IQGAP3: variants seen among roughly 807,000 people sequenced by gnomAD.
The protein encoded by IQGAP3 is IQ motif containing GTPase activating protein 3, also known as ras GTPase-activating-like protein IQGAP3.
In IQGAP3, 165 loss-of-function variants were observed where a neutral mutation model predicts 208.2. The observed-to-expected ratio is 0.79, with a 90% CI of 0.70 to 0.90. The LOEUF (loss-of-function observed/expected upper bound fraction) is 0.90, where lower values mean the gene tolerates loss of function less well. Among genes scored for constraint, IQGAP3 ranks in the 40% least tolerant of loss-of-function variants. The pLI is 0.00. For synonymous variants in IQGAP3, 703 were observed against 803.6 expected (o/e 0.87, Z 2.12); for missense variants, 1,811 against 2,043.1 (o/e 0.89, Z 2.19).
intron 13 of IQGAP3, among the ~76,000 whole-genome samples, chr1:156,552,407 A>T (rs192752259): frequency 6.6e-6 from 1 of 152,256 alleles, no homozygotes; most frequent in East Asian, 1.9e-4. Flanking sequence ...CCATTCATTT[A>T]TCCCAGCCAG....
intron 12 of IQGAP3, among the ~76,000 whole-genome samples, chr1:156,555,142 C>T (rs1675769452): frequency 6.6e-6 from 1 of 152,194 alleles, no homozygotes; most frequent in Non-Finnish European, 1.5e-5. Context: ...GCACCGCACA[C>T]CCAAGAAGCT....
chr1:156,554,438 T>C (rs1675729096), intron 12 of IQGAP3, 46 bp from the exon 13 acceptor site: 1 of 1,525,730 alleles, frequency 6.6e-7, no homozygotes, highest in South Asian at 1.3e-5. Flanking sequence ...AGGTGAAGGG[T>C]CTAAAGGCCT....
chr1:156,530,773 G>T (rs552092238), intron 33 of IQGAP3, among the ~76,000 whole-genome samples: 23 of 152,280 alleles, frequency 1.5e-4, no homozygotes, highest in Non-Finnish European at 2.9e-4. Flanking sequence ...CACTCCAGCG[G>T]GCCCAACCTG....
rs1048743670 is a variant in IQGAP3, at chr1:156,554,404, G to C, written c.1291-12C>G. 3.2e-6 allele frequency: 5 copies of C among 1,586,788 alleles called. No homozygotes were observed. In the African/African-American group the frequency reaches 5.4e-5, roughly 17 times the overall value. On this transcript the variant is annotated splice_polypyrimidine_tract_variant and intron_variant, in intron 12 of 37. Transcript: ENST00000361170. ...TCCTGGCCAAGCTCCTACAATGGGT[G>C]GGAGGGCCAATTCCCAAGTGGGCAG...
At chr1:156,538,660 A>G in intron 26 of IQGAP3, 149 bp downstream of exon 26, 1 of 646,238 alleles carries the variant, frequency 1.5e-6, no homozygotes, top group Non-Finnish European at 2.7e-6. Flanking sequence ...ATTCATGCCT[A>G]CAAAGCTGGT....
Position 156,539,393 on chromosome 1 carries a change from C to T in IQGAP3, c.3037G>A (p.Ala1013Thr). The T allele has an allele frequency of 1.2e-6, 2 of 1,613,966 alleles. No homozygotes were observed. Among genetic ancestry groups the T allele is most frequent in the Non-Finnish European group, 1.7e-6 (2 of 1,179,972 alleles). The change falls in exon 25 of 38, where the codon GCA (alanine) becomes ACA (threonine). Residue 1013 changes from alanine (A) to threonine (T), a missense_variant. Physicochemically the swap from Ala to Thr is moderately conservative, Grantham distance 58. Transcript: ENST00000361170. ...GCCTACTTGATTTCCTCCTGGAGTGCTGTCTTGAACAGCTGGAGCAGGAGA... is the reference window on the plus strand; with the variant it reads ...GCCTACTTGATTTCCTCCTGGAGTGTTGTCTTGAACAGCTGGAGCAGGAGA... ...AYLLLQLFKT[A>T]LQEEIKSKVE...
At chr1:156,542,567 C>A (rs1675037211) in intron 22 of IQGAP3, among the ~76,000 whole-genome samples, 1 of 152,170 alleles carries the variant, frequency 6.6e-6, no homozygotes, top group South Asian at 2.1e-4. Context: ...TGAAATACAG[C>A]ATATTAACTC....
In IQGAP3 at chr1:156,551,747, C is replaced by T. The variant is rs1421274755; in HGVS notation, c.1692G>A (p.Arg564=). The change falls in exon 15 of 38, where the codon CGG becomes CGA. Residue 564 remains arginine (R), a synonymous_variant. Transcript: ENST00000361170. The part of the protein sequence containing the change: ...LDDVSLPVAP[R]YHLLLVAAKR... ...TGGCTGCCACAAGGAGGAGATGGTA[C>T]CGAGGGGCGACAGGGAGGCTGACAT... 1.2e-6 allele frequency: 2 copies of T among 1,613,708 alleles called. No homozygotes were observed. The highest frequency in any genetic ancestry group is 1.7e-6 in the Non-Finnish European group (2 of 1,179,950).
intron 19 of IQGAP3, among the ~76,000 whole-genome samples, chr1:156,546,086 T>C (rs112452442): frequency 0.013 from 2,021 of 152,260 alleles, 20 homozygotes; most frequent in African/African-American, 0.027. Context: ...CAGGACTCTT[T>C]CCTTTCCTCC....
chr1:156,537,110 C>A, intron 27 of IQGAP3, 71 bp downstream of exon 27: 2 of 1,522,684 alleles, frequency 1.3e-6, no homozygotes, highest in East Asian at 4.5e-5. Context: ...TATCACCCTG[C>A]TCTGCTCCCC....
Position 156,528,967 on chromosome 1 carries a change from T to C in IQGAP3, c.4520A>G (p.Tyr1507Cys), listed in dbSNP as rs760551838. Residue 1507 changes from tyrosine to cysteine, a missense_variant, in exon 35 of 38, where the codon TAC (tyrosine) becomes TGC (cysteine). Tyr to Cys is a radical substitution (Grantham distance 194). Coordinates refer to ENST00000361170, the MANE Select transcript of IQGAP3 (RefSeq NM_178229.5). ...KTTFYEEQGD[Y>C]YSQYIRACLD... is the part of the protein sequence containing the mutation. ...GCAGGCCCGGATGTACTGGCTGTAG[T>C]AGTCACCCTGCTCCTCATAGAAGGT... The C allele has an allele frequency of 5.6e-6, 9 of 1,614,092 alleles. No homozygotes were observed. Among genetic ancestry groups the C allele is most frequent in the African/African-American group, 1.3e-5 (1 of 74,920 alleles).
chr1:156,529,192 G>C (rs115201756), intron 34 of IQGAP3, 110 bp from the exon 35 acceptor site: 3 of 1,160,766 alleles, frequency 2.6e-6, no homozygotes, highest in Non-Finnish European at 3.7e-6. Flanking sequence ...GGAAGAACAG[G>C]CTTCAAGGCT....
intron 1 of IQGAP3, 65 bp from the exon 2 acceptor site, chr1:156,569,528 CTTTTTT>C (rs34005985): frequency 1.7e-3 from 241 of 138,242 alleles, no homozygotes; most frequent in African/African-American, 4.4e-3. Flanking sequence ...ACTGAAGGGT[CTTTTTT>C]TTTTTTTTTT....
intron 23 of IQGAP3, 23 bp from the exon 24 acceptor site, chr1:156,540,013 G>A (rs1674900884): frequency 1.9e-6 from 3 of 1,613,970 alleles, no homozygotes; most frequent in Non-Finnish European, 2.5e-6. Flanking sequence ...AGGAGCGGGT[G>A]ATACAACTAG....
rs189028194 is a variant in IQGAP3 at position 156,565,275 on chromosome 1, G to C, written c.361-584C>G. ...AATGCCACCTGACAACTGTAATGAG[G>C]CCTAACCTCAATATATCTTGGTTAT... On this transcript the variant is annotated intron_variant, in intron 4 of 37. Transcript: ENST00000361170. Among the ~76,000 whole-genome samples the C allele has an allele frequency of 3.8e-3, 575 of 152,248 alleles. 4 individuals are homozygous for C. The highest frequency in any genetic ancestry group is 0.021 in the South Asian group (103 of 4,814).
chr1:156,529,615 T>C lies in IQGAP3; in HGVS notation c.4404+490A>G, dbSNP rs763825788. On this transcript the variant is annotated intron_variant, in intron 34 of 37. Coordinates refer to ENST00000361170, the MANE Select transcript of IQGAP3 (RefSeq NM_178229.5). ...GCCTGGCCAACATGGTGAAACCCTGTCTCTACTAAAAATACAAAAATTTGG... is the reference window on the plus strand; with the variant it reads ...GCCTGGCCAACATGGTGAAACCCTGCCTCTACTAAAAATACAAAAATTTGG... 2.6e-4 allele frequency among the ~76,000 whole-genome samples: 39 copies of C among 152,026 alleles called. No homozygotes were observed. In the Middle Eastern group the frequency reaches 0.014, roughly 53 times the overall value.
At position 156,535,187 on chromosome 1, in the gene IQGAP3, G is replaced by A. The variant is rs776558515; in HGVS notation, c.3483C>T (p.Asp1161=). 7.7e-5 allele frequency: 124 copies of A among 1,613,330 alleles called. No homozygotes were observed. Among genetic ancestry groups the A allele is most frequent in the African/African-American group, 2.5e-4 (19 of 74,864 alleles). The change falls in exon 28 of 38, where the codon GAC becomes GAT. Residue 1161 remains aspartate, a synonymous_variant. Coordinates refer to ENST00000361170, the MANE Select transcript of IQGAP3 (RefSeq NM_178229.5). The part of the protein sequence containing the change: ...LKATLAEKFP[D]ATDSEVYKVV... The stretch of plus-strand genomic sequence containing the variant: ...CCTTATAGACCTCGCTGTCTGTGGC[G>A]TCAGGGAATTTCTCTGCCAGAGTTG...
chr1:156,533,960 C>T, intron 30 of IQGAP3, 49 bp downstream of exon 30: 1 of 1,610,684 alleles, frequency 6.2e-7, no homozygotes, highest in Non-Finnish European at 8.5e-7. Flanking sequence ...TCACAGGCTA[C>T]CAAACCCTTG....
Position 156,544,070 on chromosome 1 carries a change from G to C in IQGAP3, c.2461-20C>G. ...GTTAACCTGCCACAAACACAGATTGGAAAAGGGTTGCTGGCTGTCCTTGCT... is the reference window on the plus strand; with the variant it reads ...GTTAACCTGCCACAAACACAGATTGCAAAAGGGTTGCTGGCTGTCCTTGCT... On this transcript the variant is annotated intron_variant, in intron 21 of 37. Transcript: ENST00000361170. 6.2e-7 allele frequency: 1 copy of C among 1,614,088 alleles called. No homozygotes were observed. Among genetic ancestry groups the C allele is most frequent in the Non-Finnish European group, 8.5e-7 (1 of 1,179,926 alleles).
Sources: allele counts gnomAD v4.1 joint callset (sites outside exome capture counted in the v4.1 genomes callset), GRCh38; gene constraint gnomAD v4.1.1; transcripts MANE v1.5; gene names NCBI Gene and HGNC (gene_info 2026-07-23, HGNC 2026-07-21).